The following EVC2 variants were observed in gnomAD, a reference collection of about 807,000 sequenced individuals.
EVC2 encodes the protein EvC ciliary complex subunit 2.
Under a neutral mutation model 149.3 loss-of-function variants are expected in EVC2, and 148 were observed. The ratio of observed to expected loss-of-function variants is 0.99; its 90% confidence interval spans 0.87 to 1.14. The LOEUF (loss-of-function observed/expected upper bound fraction) is 1.14, where lower values mean the gene tolerates loss of function less well. EVC2 is among the 50% of genes most tolerant of loss of function. EVC2 has a pLI of 0.00. For synonymous variants in EVC2, 776 were observed against 649.9 expected (o/e 1.19, Z -2.95); for missense variants, 1,854 against 1,627.3 (o/e 1.14, Z -2.40).
Position 5,625,624 on chromosome 4 carries a change from T to C in EVC2, c.2046+125A>G, listed in dbSNP as rs1290379739. ...CCAATCAACAGTAGATGGCACATCA[T>C]GGTGCCTGCCCAGCTGCCCTTCTGA... is the stretch of plus-strand genomic sequence containing the variant. On this transcript the variant is annotated intron_variant, in intron 13 of 21. Coordinates refer to ENST00000344408, the MANE Select transcript of EVC2 (RefSeq NM_147127.5). This position sits in a 1 kb window ranked among gnomAD's most constrained non-coding sequence, Gnocchi z 4.0. The C allele has an allele frequency of 1.6e-6, 2 of 1,269,794 alleles. No homozygotes were observed. Among genetic ancestry groups the C allele is most frequent in the Non-Finnish European group, 2.2e-6 (2 of 897,820 alleles). The allele number at this position is 1,269,794 out of a possible 1,614,324, so 78.7% of individuals were successfully genotyped here. A position where few individuals can be genotyped will look rare whatever the true frequency, so the allele number is the denominator to read the frequency against.
At chr4:5,604,149 A>G (rs1714208964) in intron 16 of EVC2, among the ~76,000 whole-genome samples, 1 of 152,212 alleles carries the variant, frequency 6.6e-6, no homozygotes, top group African/African-American at 2.4e-5. Flanking sequence ...CAGAGGGTCT[A>G]GGATTGTTTA....
At chr4:5,692,893 A>AAAAAAG (rs1721218649) in intron 3 of EVC2, among the ~76,000 whole-genome samples, 1 of 119,730 alleles carries the variant, frequency 8.4e-6, no homozygotes, top group African/African-American at 2.7e-5. Flanking sequence ...AAAAAAAAGA[A>AAAAAAG]AAAAGAAAAT....
chr4:5,575,054 G>A (rs777246476), intron 18 of EVC2, among the ~76,000 whole-genome samples: 13 of 152,168 alleles, frequency 8.5e-5, no homozygotes, highest in Non-Finnish European at 1.8e-4. Flanking sequence ...GGTGATCTCT[G>A]TGATGCTGCT....
At chr4:5,553,675 A>G (rs766982438) in intron 21 of EVC2, among the ~76,000 whole-genome samples, 2 of 152,222 alleles carry the variant, frequency 1.3e-5, no homozygotes, top group South Asian at 4.1e-4. Context: ...TCAATATACT[A>G]AAGTGTTCAC....
Position 5,632,006 on chromosome 4 carries a change from CAGA to C in EVC2, c.1494_1496del (p.Leu499del). On this transcript the variant is annotated inframe_deletion, in exon 11 of 22. Coordinates refer to ENST00000344408, the MANE Select transcript of EVC2 (RefSeq NM_147127.5). ...CCTGTTCCAGGCCATGGAGGGTCCG[CAGA>C]AGGTTGCTGCACTCTACAGCAGACT... 1 of 1,614,144 alleles carries C rather than the reference CAGA, an allele frequency of 6.2e-7. No individual in the cohort carries two copies. Among genetic ancestry groups the C allele is most frequent in the Non-Finnish European group, 8.5e-7 (1 of 1,180,018 alleles).
At chr4:5,673,274 G>A (rs1412618927) in intron 7 of EVC2, among the ~76,000 whole-genome samples, 1 of 152,246 alleles carries the variant, frequency 6.6e-6, no homozygotes, top group Non-Finnish European at 1.5e-5. Flanking sequence ...ACAGAGTGTT[G>A]TGATGGAATG....
At chr4:5,594,801 C>A (rs902254356) in intron 16 of EVC2, among the ~76,000 whole-genome samples, 3 of 152,100 alleles carry the variant, frequency 2.0e-5, no homozygotes, top group Non-Finnish European at 2.9e-5. Flanking sequence ...AAACTGAAGG[C>A]AAAGAAGTTG....
intron 16 of EVC2, among the ~76,000 whole-genome samples, 178 bp downstream of exon 16, chr4:5,615,244 A>G (rs1374600720): frequency 1.3e-5 from 2 of 152,148 alleles, no homozygotes; most frequent in African/African-American, 2.4e-5. Flanking sequence ...TGCACAGGGG[A>G]AAGGCCCAGG....
intron 22 of EVC2, chr4:5,543,017 G>A (rs1422316832): frequency 3.1e-6 from 2 of 635,502 alleles, no homozygotes; most frequent in African/African-American, 1.9e-5. Flanking sequence ...GATGCGGGCA[G>A]AGCAGAATTC....
intron 22 of EVC2, chr4:5,543,029 G>T: frequency 1.3e-6 from 1 of 743,758 alleles, no homozygotes; most frequent in Non-Finnish European, 2.0e-6. Flanking sequence ...GCAGAATTCT[G>T]TATTTTTCTG....
intron 9 of EVC2, among the ~76,000 whole-genome samples, chr4:5,648,780 T>C (rs1717906729): frequency 6.6e-6 from 1 of 152,152 alleles, no homozygotes; most frequent in Non-Finnish European, 1.5e-5. Flanking sequence ...TCACTATAGA[T>C]AATCTGTCAG....
intron 11 of EVC2, among the ~76,000 whole-genome samples, chr4:5,629,528 G>A (rs572077857): frequency 6.6e-5 from 10 of 152,332 alleles, no homozygotes; most frequent in South Asian, 6.2e-4. Flanking sequence ...GACTGGCTTC[G>A]TTGTCCTTTT....
At chr4:5,611,176 AACT>A (rs1452798706) in intron 16 of EVC2, among the ~76,000 whole-genome samples, 1 of 152,162 alleles carries the variant, frequency 6.6e-6, no homozygotes, top group Non-Finnish European at 1.5e-5. Context: ...TGCCAGTGTG[AACT>A]AGGAGACACT....
chr4:5,593,336 TTTC>T (rs1713013651), intron 16 of EVC2, among the ~76,000 whole-genome samples: 1 of 152,152 alleles, frequency 6.6e-6, no homozygotes, highest in Non-Finnish European at 1.5e-5. Context: ...GTTACTTCCT[TTTC>T]TTCCTGCTCT....
chr4:5,594,897 A>C (rs1425381681), intron 16 of EVC2, among the ~76,000 whole-genome samples: 1 of 152,218 alleles, frequency 6.6e-6, no homozygotes, highest in African/African-American at 2.4e-5. Context: ...CTGAAAACCA[A>C]GGCTAGAGAA....
chr4:5,531,690 A>C, the EVC2 span, among the ~76,000 whole-genome samples: 26 of 151,436 alleles, frequency 1.7e-4, no homozygotes, highest in Middle Eastern at 3.4e-3. Flanking sequence ...ACTGTCTCCC[A>C]TCACCTCCAA....
chr4:5,647,772 T>C (rs763457263), intron 9 of EVC2, among the ~76,000 whole-genome samples: 5 of 152,210 alleles, frequency 3.3e-5, no homozygotes, highest in Non-Finnish European at 7.3e-5. Flanking sequence ...TTAGGTTTCA[T>C]GGCAAAGGGG....
intron 16 of EVC2, among the ~76,000 whole-genome samples, chr4:5,607,936 A>G (rs569212477): frequency 1.3e-4 from 19 of 151,888 alleles, no homozygotes; most frequent in African/African-American, 4.3e-4. Flanking sequence ...AAATGAGAGA[A>G]AGGGGAGGAG....
chr4:5,681,344 C>T, intron 6 of EVC2, 31 bp from the exon 7 acceptor site: 2 of 1,613,338 alleles, frequency 1.2e-6, no homozygotes, highest in South Asian at 1.1e-5. Context: ...ACACTTTCAG[C>T]AACAGTTTGG....
Sources: gnomAD v4.1 joint callset for allele counts (sites outside exome capture counted in the v4.1 genomes callset) on GRCh38, gnomAD v4.1.1 for gene constraint, Gnocchi (gnomAD v3.1) non-coding constraint, MANE v1.5 for transcripts, NCBI Gene and HGNC (gene_info 2026-07-23, HGNC 2026-07-21) for gene names.